SAMMSON: variants seen among roughly 807,000 people sequenced by gnomAD.
SAMMSON encodes the protein survival associated mitochondrial melanoma specific oncogenic non-coding RNA.
At chr3:70,434,214 T>G (rs891158021) in intron 2 of SAMMSON, among the ~76,000 whole-genome samples, 1 of 152,186 alleles carries the variant, frequency 6.6e-6, no homozygotes, top group Non-Finnish European at 1.5e-5. Flanking sequence ...TAGATCAGAT[T>G]GGGAAAGACT....
At chr3:70,059,592 A>C (rs758593802) in intron 3 of SAMMSON, among the ~76,000 whole-genome samples, 10 of 152,026 alleles carry the variant, frequency 6.6e-5, no homozygotes, top group Non-Finnish European at 1.5e-4. Context: ...GAGAGAGCAA[A>C]TTTATCCTTT....
intron 3 of SAMMSON, among the ~76,000 whole-genome samples, chr3:70,027,556 T>C (rs894784781): frequency 6.6e-6 from 1 of 152,232 alleles, no homozygotes; most frequent in Non-Finnish European, 1.5e-5. Context: ...TGAAGAATCA[T>C]TTTACTAAAT....
chr3:70,115,226 AG>A lies in SAMMSON; in HGVS notation n.507+43662del, dbSNP rs1389124852. Among the ~76,000 whole-genome samples the A allele has an allele frequency of 8.1e-3, 1,178 of 144,818 alleles. 4 individuals are homozygous for A. Among genetic ancestry groups the A allele is most frequent in the African/African-American group, 0.029 (1,104 of 37,906 alleles). On this transcript the variant is annotated intron_variant and non_coding_transcript_variant, in intron 4 of 9. Transcript: ENST00000642114. Reference sequence around the variant, plus strand: ...TCTATTTTCCAAAAAAAAAAAAAAAAGAAAGAAAGAAAAAAAGCAGAAGACT... The same window carrying A: ...TCTATTTTCCAAAAAAAAAAAAAAAAAAAGAAAGAAAAAAAGCAGAAGACT...
intron 7 of SAMMSON, among the ~76,000 whole-genome samples, chr3:70,301,085 C>CT (rs1461124376): frequency 6.6e-6 from 1 of 151,876 alleles, no homozygotes; most frequent in Non-Finnish European, 1.5e-5. Context: ...TAGCTATTTT[C>CT]TTTTAAGAAA....
At chr3:70,021,203 C>T (rs2067011897) in intron 3 of SAMMSON, among the ~76,000 whole-genome samples, 2 of 152,124 alleles carry the variant, frequency 1.3e-5, no homozygotes, top group African/African-American at 4.8e-5. Flanking sequence ...AAACCTTTTC[C>T]AGTAACAGGC....
At chr3:70,017,085 T>C (rs372373943) in intron 3 of SAMMSON, among the ~76,000 whole-genome samples, 145 of 152,094 alleles carry the variant, frequency 9.5e-4, no homozygotes, top group African/African-American at 2.8e-3. Flanking sequence ...TTTTTGGTTC[T>C]ATATGAACTT....
At chr3:70,031,767 A>G (rs2067066950) in intron 3 of SAMMSON, among the ~76,000 whole-genome samples, 1 of 152,196 alleles carries the variant, frequency 6.6e-6, no homozygotes, top group Admixed American at 6.5e-5. Context: ...GTCTTCCAAG[A>G]GAATTCGATG....
At chr3:70,088,239 C>A (rs1463111575) in intron 4 of SAMMSON, among the ~76,000 whole-genome samples, 3 of 152,154 alleles carry the variant, frequency 2.0e-5, no homozygotes, top group African/African-American at 7.2e-5. Flanking sequence ...AGGTTGCATG[C>A]CAATCCCTGA....
chr3:70,407,142 T>C (rs1701183801), intron 2 of SAMMSON, among the ~76,000 whole-genome samples: 1 of 152,184 alleles, frequency 6.6e-6, no homozygotes, highest in South Asian at 2.1e-4. Context: ...CCCCCATGAC[T>C]CAAATTATCC....
intron 3 of SAMMSON, among the ~76,000 whole-genome samples, chr3:70,039,917 A>G (rs149799004): frequency 1.5e-3 from 236 of 152,270 alleles, no homozygotes; most frequent in African/African-American, 5.4e-3. Flanking sequence ...AATTAAATTT[A>G]TTTTAGTTGC....
intron 2 of SAMMSON, among the ~76,000 whole-genome samples, chr3:70,401,071 T>G (rs936676125): frequency 4.6e-5 from 7 of 152,222 alleles, no homozygotes; most frequent in African/African-American, 1.4e-4. Context: ...TAATATTACA[T>G]ACTGCTCTAT....
intron 3 of SAMMSON, among the ~76,000 whole-genome samples, chr3:70,018,960 C>T (rs1297104097): frequency 1.3e-5 from 2 of 152,060 alleles, no homozygotes; most frequent in African/African-American, 4.8e-5. Context: ...TTTGTTATAA[C>T]TTCTGTTCTT....
chr3:70,253,610 C>A (rs1411206135), intron 6 of SAMMSON, among the ~76,000 whole-genome samples: 1 of 152,128 alleles, frequency 6.6e-6, no homozygotes, highest in African/African-American at 2.4e-5. Context: ...GTAGTCCTAG[C>A]TAGTCAAGAG....
intron 4 of SAMMSON, among the ~76,000 whole-genome samples, chr3:70,193,257 T>C (rs1043849072): frequency 1.1e-4 from 16 of 152,178 alleles, no homozygotes; most frequent in Non-Finnish European, 2.1e-4. Context: ...CAGACCTCTG[T>C]TGGAGAAGCC....
chr3:70,028,165 TCC>T (rs1559776232), intron 3 of SAMMSON, among the ~76,000 whole-genome samples: 10 of 146,952 alleles, frequency 6.8e-5, no homozygotes, highest in African/African-American at 1.8e-4. Context: ...CTTCCTTCCT[TCC>T]TTCCTTCCTT....
intron 7 of SAMMSON, among the ~76,000 whole-genome samples, chr3:70,296,472 G>A (rs972403841): frequency 2.0e-5 from 3 of 151,952 alleles, no homozygotes; most frequent in South Asian, 2.1e-4. Flanking sequence ...CTCTCACACC[G>A]TGACATTGGT....
chr3:70,182,826 T>A lies in SAMMSON; in HGVS notation n.508-66281T>A, dbSNP rs184412025. On this transcript the variant is annotated intron_variant and non_coding_transcript_variant, in intron 4 of 9. Transcript: ENST00000642114. ...GAATGAACATTTAATAGTTAACTAT[T>A]TGTCTTTCTCTTTCTTTGTAACCCT... 3.3e-5 allele frequency among the ~76,000 whole-genome samples: 5 copies of A among 152,340 alleles called. No individual in the cohort carries two copies. In the East Asian group the frequency reaches 9.6e-4, roughly 29 times the overall value.
intron 7 of SAMMSON, among the ~76,000 whole-genome samples, chr3:70,322,262 T>C (rs1187869758): frequency 6.6e-6 from 1 of 152,164 alleles, no homozygotes; most frequent in African/African-American, 2.4e-5. Flanking sequence ...ATGATTATGC[T>C]TAAGGCAAAG....
At chr3:70,330,625 T>C (rs137922048) in intron 7 of SAMMSON, among the ~76,000 whole-genome samples, 1 of 152,214 alleles carries the variant, frequency 6.6e-6, no homozygotes, top group East Asian at 1.9e-4. Context: ...TGCTTGATAA[T>C]TATGTCCTAT....
Sources: gnomAD v4.1 joint callset for allele counts (sites outside exome capture counted in the v4.1 genomes callset) on GRCh38, gnomAD v4.1.1 for gene constraint, MANE v1.5 for transcripts, NCBI Gene and HGNC (gene_info 2026-07-23, HGNC 2026-07-21) for gene names.